KIFC3: variants seen among roughly 807,000 people sequenced by gnomAD.
The protein encoded by KIFC3 is kinesin-like protein KIFC3.
A neutral mutation model predicts 101.8 loss-of-function variants in KIFC3; 60 were observed. The observed-to-expected ratio is 0.59, with a 90% CI of 0.48 to 0.73. The LOEUF (loss-of-function observed/expected upper bound fraction) is 0.73, where lower values mean the gene tolerates loss of function less well. KIFC3 is among the 30% of genes least tolerant of loss of function. KIFC3 has a pLI of 0.00. For synonymous variants in KIFC3, 476 were observed against 482.7 expected (o/e 0.99, Z 0.18); for missense variants, 966 against 1,137.1 (o/e 0.85, Z 2.16).
chr16:57,810,683 TCAGCAATGGG>T, intron 1 of KIFC3: 2 of 985,472 alleles, frequency 2.0e-6, no homozygotes, highest in African/African-American at 1.7e-5. Flanking sequence ...TAATTCAACT[TCAGCAATGGG>T]CTGAGGGACA....
At chr16:57,761,387 G>A (rs1555597397) in intron 14 of KIFC3, 26 bp downstream of exon 14, 1 of 1,613,840 alleles carries the variant, frequency 6.2e-7, no homozygotes, top group Non-Finnish European at 8.5e-7. Flanking sequence ...CAGTGTGGCT[G>A]TGGTCAGGGG....
chr16:57,815,469 A>T (rs74019704), intron 1 of KIFC3: 34,583 of 1,218,534 alleles, frequency 0.028, 661 homozygotes, highest in South Asian at 0.067. Context: ...TGCTTACAAG[A>T]CTCTGCCCAT....
chr16:57,804,236 C>G (rs1174013047), upstream of KIFC3, among the ~76,000 whole-genome samples: 1 of 151,446 alleles, frequency 6.6e-6, no homozygotes, highest in African/African-American at 2.4e-5. Context: ...CTTTTTTTTT[C>G]CTGTGTACAT....
At chr16:57,847,355 T>A (rs2055953787) in intron 1 of KIFC3, among the ~76,000 whole-genome samples, 1 of 151,040 alleles carries the variant, frequency 6.6e-6, no homozygotes, top group South Asian at 2.1e-4. Context: ...TTTGGGAGGC[T>A]GAGGTGGAAG....
At chr16:57,838,052 G>C (rs2055731935) in intron 1 of KIFC3, among the ~76,000 whole-genome samples, 1 of 152,158 alleles carries the variant, frequency 6.6e-6, no homozygotes, top group Non-Finnish European at 1.5e-5. Flanking sequence ...ATAAGACGAG[G>C]AAGAAGCATA....
chr16:57,851,534 T>C (rs1428982039), intron 1 of KIFC3, among the ~76,000 whole-genome samples: 1 of 152,132 alleles, frequency 6.6e-6, no homozygotes, highest in African/African-American at 2.4e-5. Flanking sequence ...AATTGCCTCT[T>C]GTCTCTGGAA....
chr16:57,769,893 G>C lies in KIFC3; in HGVS notation c.1002C>G (p.Ser334=). The part of the protein sequence containing the change: ...AHGQMLEEMQ[S]LEEDKNRAIE... ...TGGCCCGGTTCTTGTCCTCTTCCAG[G>C]GACTGCATCTCCTCCAGCATCTGCC... is the stretch of plus-strand genomic sequence containing the variant. The change falls in exon 8 of 20, where the codon TCC becomes TCG. Residue 334 remains serine (S), a synonymous_variant. Transcript: ENST00000445690. The surrounding 1 kb of genome is among the most constrained non-coding windows in gnomAD (Gnocchi z 4.3). 1 of 1,613,858 alleles carries C rather than the reference G, an allele frequency of 6.2e-7. No individual in the cohort carries two copies. Among genetic ancestry groups the C allele is most frequent in the Non-Finnish European group, 8.5e-7 (1 of 1,180,026 alleles).
At chr16:57,812,855 C>G (rs1175320919) in intron 1 of KIFC3, among the ~76,000 whole-genome samples, 1 of 152,200 alleles carries the variant, frequency 6.6e-6, no homozygotes, top group Non-Finnish European at 1.5e-5. Flanking sequence ...ACTGGTCCAG[C>G]CATGTCTGCT....
At position 57,862,801 on chromosome 16, in the gene KIFC3, AGT is replaced by A; in HGVS notation, c.34_35del (p.Thr12SerfsTer34). 4 of 1,289,638 alleles carry A rather than the reference AGT, an allele frequency of 3.1e-6. No individual in the cohort carries two copies. Among genetic ancestry groups the A allele is most frequent in the Non-Finnish European group, 4.0e-6 (4 of 988,718 alleles). The allele number at this position is 1,289,638 out of a possible 1,614,324, so 79.9% of individuals were successfully genotyped here. ...GTCTGGGCTTCCATGCAGCTGTCAG[AGT>A]GTTCTTCCTGAAAAGAAACTCCATC... On this transcript the variant is annotated frameshift_variant, in exon 1 of 3. Coordinates refer to the KIFC3 transcript ENST00000563028. LOFTEE classifies it high-confidence loss of function.
upstream of KIFC3, chr16:57,802,951 TCTTA>T: frequency 6.5e-7 from 1 of 1,534,044 alleles, no homozygotes; most frequent in Middle Eastern, 1.7e-4. The surrounding 1 kb of genome is among the most constrained non-coding windows in gnomAD (Gnocchi z 5.0). Flanking sequence ...ACACACAAGC[TCTTA>T]CTCACGAGAC....
At chr16:57,842,348 G>T (rs563111208) in intron 1 of KIFC3, among the ~76,000 whole-genome samples, 1 of 152,196 alleles carries the variant, frequency 6.6e-6, no homozygotes, top group South Asian at 2.1e-4. Flanking sequence ...TGTCTGGAAC[G>T]GTATGGAGTG....
intron 1 of KIFC3, among the ~76,000 whole-genome samples, chr16:57,824,870 C>T (rs782006102): frequency 2.0e-5 from 3 of 152,130 alleles, no homozygotes; most frequent in Admixed American, 6.5e-5. Context: ...TCTCGATCTC[C>T]TGGCCTCAAG....
In KIFC3 at chr16:57,771,532, A is replaced by G; in HGVS notation, c.525+11T>C. 4 of 1,612,260 alleles carry G rather than the reference A, an allele frequency of 2.5e-6. No homozygotes were observed. The highest frequency in any genetic ancestry group is 3.4e-6 in the Non-Finnish European group (4 of 1,179,042). The stretch of plus-strand genomic sequence containing the variant: ...CAGGACCAGCATGGGGACCACGGCC[A>G]TTCTGCTCACCTGGCTGTGCTCACA... On this transcript the variant is annotated intron_variant, in intron 5 of 19. Coordinates refer to ENST00000445690, the MANE Select transcript of KIFC3 (RefSeq NM_001130100.2).
At chr16:57,844,733 C>T (rs1453105122) in intron 1 of KIFC3, among the ~76,000 whole-genome samples, 11 of 152,132 alleles carry the variant, frequency 7.2e-5, no homozygotes, top group Non-Finnish European at 1.3e-4. Context: ...GTCTGCAGCC[C>T]GTCTCGCTCT....
At chr16:57,850,966 C>CT (rs1167099666) in intron 1 of KIFC3, among the ~76,000 whole-genome samples, 1,577 of 25,788 alleles carry the variant, frequency 0.061, 28 homozygotes, top group Non-Finnish European at 0.11. Flanking sequence ...TCCTTCCTTC[C>CT]TTCCTTCCTT....
chr16:57,780,796 TC>T (rs2052642833), intron 3 of KIFC3, among the ~76,000 whole-genome samples: 1 of 146,172 alleles, frequency 6.8e-6, no homozygotes. Context: ...TGCCTCAGCC[TC>T]CCTAGTAGCT....
rs575136897 is a variant in KIFC3 at position 57,797,643 on chromosome 16, G to C, written c.172+429C>G. The C allele has an allele frequency of 2.8e-6, 3 of 1,063,612 alleles. No individual in the cohort carries two copies. In the African/African-American group the frequency reaches 5.2e-5, roughly 18 times the overall value. The allele number at this position is 1,063,612 out of a possible 1,614,324, so 65.9% of individuals were successfully genotyped here. A position where few individuals can be genotyped will look rare whatever the true frequency, so the allele number is the denominator to read the frequency against. On this transcript the variant is annotated intron_variant, in intron 2 of 19. Transcript: ENST00000445690. ...CGGTCCACTCCCAACGCCGTCCAGGGGCCAGCCCAGGCAGGATCAAGTGTC... is the reference window on the plus strand; with the variant it reads ...CGGTCCACTCCCAACGCCGTCCAGGCGCCAGCCCAGGCAGGATCAAGTGTC...
intron 10 of KIFC3, 116 bp from the exon 11 acceptor site, chr16:57,765,756 A>G: frequency 1.1e-6 from 1 of 940,952 alleles, no homozygotes; most frequent in South Asian, 1.7e-5. Flanking sequence ...ACTTTTAAGC[A>G]CAGCCCCCTA....
chr16:57,775,448 G>A, intron 3 of KIFC3: 4 of 1,008,208 alleles, frequency 4.0e-6, no homozygotes, highest in Non-Finnish European at 4.7e-6. Flanking sequence ...TTGTAGGGAA[G>A]ATGTCTGCTT....
Sources: gnomAD v4.1 joint callset for allele counts (sites outside exome capture counted in the v4.1 genomes callset) on GRCh38, gnomAD v4.1.1 for gene constraint, Gnocchi (gnomAD v3.1) non-coding constraint, MANE v1.5 for transcripts, NCBI Gene and HGNC (gene_info 2026-07-23, HGNC 2026-07-21) for gene names.